NUP214: variants seen among roughly 807,000 people sequenced by gnomAD.
The protein encoded by NUP214 is nucleoporin 214, also known as nuclear pore complex protein Nup214.
Under a neutral mutation model 196.2 loss-of-function variants are expected in NUP214, and 79 were observed. The ratio of observed to expected loss-of-function variants is 0.40; its 90% CI spans 0.34 to 0.49. The LOEUF (loss-of-function observed/expected upper bound fraction) is 0.49, where lower values mean the gene tolerates loss of function less well. Among genes scored for constraint, NUP214 ranks in the 20% least tolerant of loss-of-function variants. The pLI is 0.58. For synonymous variants in NUP214, 1,020 were observed against 990.5 expected, an observed-to-expected ratio of 1.03 and a Z score of -0.56; for missense variants, 2,468 against 2,539.0, an observed-to-expected ratio of 0.97 and a Z score of 0.60.
intron 18 of NUP214, among the ~76,000 whole-genome samples, chr9:131,161,098 T>G (rs937148761): frequency 6.6e-6 from 1 of 152,208 alleles, no homozygotes; most frequent in Non-Finnish European, 1.5e-5. Flanking sequence ...AAGCCAAGCT[T>G]TTTTTTCCTT....
At chr9:131,228,042 T>G in intron 32 of NUP214, 118 bp from the exon 33 acceptor site, 2 of 978,202 alleles carry the variant, frequency 2.0e-6, no homozygotes, top group Non-Finnish European at 2.9e-6. Flanking sequence ...ATTGCTAACA[T>G]CCTCTTTTCC....
intron 17 of NUP214, among the ~76,000 whole-genome samples, chr9:131,157,228 T>C (rs1318441647): frequency 6.6e-6 from 1 of 152,018 alleles, no homozygotes; most frequent in Non-Finnish European, 1.5e-5. Flanking sequence ...GGTGGCACGA[T>C]CCTAGCTCAC....
In NUP214 at chr9:131,234,156, G is replaced by A; in HGVS notation, c.*669G>A. On this transcript the variant is annotated 3_prime_UTR_variant, in exon 36 of 36. Transcript: ENST00000359428. ...CGGCCTTGGCTCTCATCTCCATGTGGCTCTTGGGTGCCATGTGTCCTACTC... is the reference window on the plus strand; with the variant it reads ...CGGCCTTGGCTCTCATCTCCATGTGACTCTTGGGTGCCATGTGTCCTACTC... The A allele has an allele frequency of 4.3e-6, 1 of 233,580 alleles. No homozygotes were observed. The highest frequency in any genetic ancestry group is 8.4e-6 in the Non-Finnish European group (1 of 118,346). 14.5% of individuals were successfully genotyped at this position (233,580 alleles called of 1,614,324 possible).
chr9:131,175,608 C>T lies in NUP214; in HGVS notation c.3306C>T (p.Ala1102=), dbSNP rs1197679756. Residue 1102 remains alanine, a synonymous_variant, in exon 23 of 36, where the codon GCC becomes GCT. Transcript: ENST00000359428. The part of the protein sequence containing the change: ...AAAAALRRQM[A]SQAPAVNTLT... ...CAGCAGCACTCAGGCGGCAGATGGC[C>T]AGTCAGGCACCAGGTAAAAGCTGTA... The T allele has an allele frequency of 6.2e-7, 1 of 1,614,156 alleles. No individual in the cohort carries two copies. Among genetic ancestry groups the T allele is most frequent in the East Asian group, 2.2e-5 (1 of 44,874 alleles).
At chr9:131,185,348 A>G (rs1833424465) in intron 24 of NUP214, among the ~76,000 whole-genome samples, 1 of 152,128 alleles carries the variant, frequency 6.6e-6, no homozygotes, top group South Asian at 2.1e-4. Flanking sequence ...ACTCTTAGTG[A>G]TCTGTGCCTC....
In NUP214 at chr9:131,146,271, C is replaced by A. The variant is rs1448443250; in HGVS notation, c.1912C>A (p.Pro638Thr). 6.2e-6 allele frequency: 10 copies of A among 1,614,186 alleles called. No homozygotes were observed. The East Asian group carries it at 2.2e-4, about 36-fold the overall frequency. ...TPLSAPPSSV[P>T]LKSSVLPSPS... ...TCTCTCAGCACCACCTAGTTCCGTG[C>A]CATTGAAGTCCTCAGTCTTGCCCTC... Residue 638 changes from proline to threonine, a missense_variant, in exon 13 of 36, where the codon CCA becomes ACA. By Grantham distance (38) the Pro-to-Thr change is conservative. Transcript: ENST00000359428. This position sits in a 1 kb window ranked among gnomAD's most constrained non-coding sequence, Gnocchi z 4.6.
At chr9:131,196,033 C>A (rs1480991122) in intron 28 of NUP214, among the ~76,000 whole-genome samples, 1 of 34,778 alleles carries the variant, frequency 2.9e-5, no homozygotes, top group African/African-American at 7.7e-5. Flanking sequence ...TGTCCCCCCC[C>A]CCCCCCGCGC....
intron 30 of NUP214, among the ~76,000 whole-genome samples, chr9:131,208,679 A>G (rs912616051): frequency 2.0e-5 from 3 of 151,458 alleles, no homozygotes; most frequent in African/African-American, 7.3e-5. Context: ...CCTGGGCGAC[A>G]GAGCGAGACT....
intron 21 of NUP214, among the ~76,000 whole-genome samples, chr9:131,170,213 G>A (rs1832916530): frequency 6.6e-6 from 1 of 152,114 alleles, no homozygotes; most frequent in African/African-American, 2.4e-5. Context: ...AAGAAGGGAG[G>A]CAGGAGAATC....
intron 11 of NUP214, 114 bp downstream of exon 11, chr9:131,140,824 C>T: frequency 9.1e-7 from 1 of 1,098,848 alleles, no homozygotes; most frequent in Non-Finnish European, 1.3e-6. Context: ...CCAGCCTGGT[C>T]TGTCTTAGGA....
chr9:131,154,870 A>G (rs1832389445), intron 17 of NUP214, among the ~76,000 whole-genome samples: 1 of 152,152 alleles, frequency 6.6e-6, no homozygotes, highest in Admixed American at 6.5e-5. Flanking sequence ...CGTGTGTGTC[A>G]CATTTTCTTT....
In NUP214 at chr9:131,133,171, C is replaced by A; in HGVS notation, c.793C>A (p.Leu265Met). The A allele has an allele frequency of 6.3e-7, 1 of 1,596,770 alleles. No homozygotes were observed. The highest frequency in any genetic ancestry group is 8.5e-7 in the Non-Finnish European group (1 of 1,174,498). Reference protein sequence around the residue: ...AIVYAAADGTLETSPDVVMAL... With the variant: ...AIVYAAADGTMETSPDVVMAL... ...AGTGTATGCTGCTGCAGATGGGACC[C>A]TGGAAACGTCTCCAGATGTGGTGAT... Residue 265 changes from leucine to methionine, a missense_variant, in exon 7 of 36, where the codon CTG becomes ATG. Physicochemically the swap from Leu to Met is conservative, Grantham distance 15. Transcript: ENST00000359428.
intron 30 of NUP214, among the ~76,000 whole-genome samples, chr9:131,204,671 A>G (rs879554833): frequency 6.6e-6 from 1 of 152,202 alleles, no homozygotes; most frequent in Non-Finnish European, 1.5e-5. Flanking sequence ...AAAGATACAA[A>G]AGAGAAAAAA....
intron 30 of NUP214, among the ~76,000 whole-genome samples, chr9:131,204,681 A>T (rs993216732): frequency 6.6e-6 from 1 of 152,222 alleles, no homozygotes; most frequent in Non-Finnish European, 1.5e-5. Flanking sequence ...AAGAGAAAAA[A>T]TCCTGTAGGA....
rs143018887 is a variant in NUP214, at chr9:131,181,449, A to G, written c.3419+3039A>G. ...GCACCATTTTTCATTCCCAACAGCA[A>G]TGTATGGGGGTTCCAGCTTCTCCAC... On this transcript the variant is annotated intron_variant, in intron 24 of 35. Coordinates refer to ENST00000359428, the MANE Select transcript of NUP214 (RefSeq NM_005085.4). Among the ~76,000 whole-genome samples, 20 of 152,258 alleles carry G rather than the reference A, an allele frequency of 1.3e-4. No homozygotes were observed. In the East Asian group the frequency reaches 3.5e-3, roughly 26 times the overall value.
In NUP214 at chr9:131,198,547, C is replaced by T. The variant is rs904856262; in HGVS notation, c.5053C>T (p.Leu1685=). The T allele has an allele frequency of 2.5e-6, 4 of 1,614,238 alleles. No homozygotes were observed. Among genetic ancestry groups the T allele is most frequent in the Non-Finnish European group, 3.4e-6 (4 of 1,180,046 alleles). Residue 1685 remains leucine (L), a synonymous_variant, in exon 29 of 36, where the codon CTG becomes TTG. Transcript: ENST00000359428. ...GQVAASTAPS[L]FGQQTGSTAS... is the part of the protein sequence containing the mutation. The stretch of plus-strand genomic sequence containing the variant: ...AGTGGCAGCCAGCACCGCACCAAGT[C>T]TGTTTGGGCAGCAGACTGGTAGCAC...
chr9:131,205,625 T>C (rs1834054084), intron 30 of NUP214, among the ~76,000 whole-genome samples: 1 of 152,226 alleles, frequency 6.6e-6, no homozygotes, highest in African/African-American at 2.4e-5. Context: ...AATTGTGGTA[T>C]ATTCATACAG....
intron 9 of NUP214, among the ~76,000 whole-genome samples, chr9:131,137,710 T>G (rs1831778688): frequency 6.6e-6 from 1 of 152,024 alleles, no homozygotes; most frequent in Non-Finnish European, 1.5e-5. Flanking sequence ...CCAACACGCC[T>G]GGCTAATTTT....
rs1489602405 is a variant in NUP214 at position 131,197,883 on chromosome 9, C to G, written c.4389C>G (p.Pro1463=). 1 of 1,613,936 alleles carries G rather than the reference C, an allele frequency of 6.2e-7. No homozygotes were observed. Among genetic ancestry groups the G allele is most frequent in the Non-Finnish European group, 8.5e-7 (1 of 1,180,038 alleles). The change falls in exon 29 of 36, where the codon CCC becomes CCG. Residue 1463 remains proline (P), a synonymous_variant. Coordinates refer to ENST00000359428, the MANE Select transcript of NUP214 (RefSeq NM_005085.4). ...SAPPPTTAAT[P]LPTSFPTLSF... ...CACCACCAACTACAGCTGCCACTCC[C>G]CTTCCAACATCATTCCCCACATTGT...
Sources: gnomAD v4.1 joint callset for allele counts (sites outside exome capture counted in the v4.1 genomes callset) on GRCh38, gnomAD v4.1.1 for gene constraint, Gnocchi (gnomAD v3.1) non-coding constraint, MANE v1.5 for transcripts, NCBI Gene and HGNC (gene_info 2026-07-23, HGNC 2026-07-21) for gene names.